Variants in GALNT17 observed in about 807,000 individuals in gnomAD.
GALNT17 encodes UDP-GalNAc:polypeptide N-acetylgalactosaminyltransferase-like 3.
A neutral mutation model predicts 63.7 loss-of-function variants in GALNT17; 29 were observed. The ratio of observed to expected loss-of-function variants is 0.46; its 90% CI spans 0.34 to 0.62. The LOEUF is 0.62. GALNT17 is among the 20% of genes least tolerant of loss of function. GALNT17 has a pLI of 0.01. For synonymous variants in GALNT17, 305 were observed against 318.3 expected (o/e 0.96, Z 0.45); for missense variants, 603 against 799.6 (o/e 0.75, Z 2.97).
At chr7:71,621,588 T>TGGATGGATGGAC (rs1216817026) in intron 6 of GALNT17, among the ~76,000 whole-genome samples, 2 of 150,660 alleles carry the variant, frequency 1.3e-5, no homozygotes, top group Admixed American at 1.3e-4. Context: ...GATGGATGGA[T>TGGATGGATGGAC]GGACAGACAA....
At chr7:71,487,959 G>A (rs536336514) in intron 5 of GALNT17, among the ~76,000 whole-genome samples, 65 of 152,224 alleles carry the variant, frequency 4.3e-4, no homozygotes, top group African/African-American at 1.5e-3. Context: ...CTTGAGGCCA[G>A]GAGTTTGAGA....
chr7:71,567,405 T>G (rs1789367254), intron 5 of GALNT17, among the ~76,000 whole-genome samples: 1 of 152,230 alleles, frequency 6.6e-6, no homozygotes, highest in African/African-American at 2.4e-5. Flanking sequence ...CTCTGTGCAC[T>G]GGGCCCATTG....
At chr7:71,221,539 T>C (rs10950249) in intron 1 of GALNT17, among the ~76,000 whole-genome samples, 62,411 of 151,614 alleles carry the variant, frequency 0.41, 13,002 homozygotes, top group South Asian at 0.55. Flanking sequence ...TTCAAACTTC[T>C]GTTCGTGTTG....
At chr7:71,323,651 G>A (rs1791655114) in intron 1 of GALNT17, among the ~76,000 whole-genome samples, 1 of 152,194 alleles carries the variant, frequency 6.6e-6, no homozygotes, top group South Asian at 2.1e-4. Flanking sequence ...ATGATGATTT[G>A]ACATGAGTTA....
intron 1 of GALNT17, among the ~76,000 whole-genome samples, chr7:71,304,809 G>A (rs1791260176): frequency 6.6e-6 from 1 of 151,946 alleles, no homozygotes; most frequent in African/African-American, 2.4e-5. Flanking sequence ...GAGTGCAATG[G>A]CACGATCTCG....
intron 1 of GALNT17, among the ~76,000 whole-genome samples, chr7:71,325,833 C>T (rs1791696032): frequency 6.6e-6 from 1 of 152,080 alleles, no homozygotes; most frequent in African/African-American, 2.4e-5. Context: ...CGTTGGCTTG[C>T]CTGCACTAGA....
intron 1 of GALNT17, among the ~76,000 whole-genome samples, chr7:71,228,122 T>G (rs1046966240): frequency 6.6e-6 from 1 of 152,098 alleles, no homozygotes; most frequent in African/African-American, 2.4e-5. Context: ...TGTGTGTGTC[T>G]GTGATGTACA....
intron 1 of GALNT17, among the ~76,000 whole-genome samples, chr7:71,191,502 A>AT (rs1788951656): frequency 1.3e-5 from 2 of 152,238 alleles, no homozygotes; most frequent in African/African-American, 4.8e-5. Context: ...GACAATATGT[A>AT]AATAACTGCA....
chr7:71,662,318 T>TTATCTATCTACCTATC (rs1790919200), intron 6 of GALNT17, among the ~76,000 whole-genome samples: 1 of 150,942 alleles, frequency 6.6e-6, no homozygotes, highest in Admixed American at 6.6e-5. Flanking sequence ...ATCTCTCTGT[T>TTATCTATCTACCTATC]TATCTATCTA....
At chr7:71,706,704 AAGGG>A (rs1791726114) in intron 9 of GALNT17, among the ~76,000 whole-genome samples, 1 of 152,160 alleles carries the variant, frequency 6.6e-6, no homozygotes, top group African/African-American at 2.4e-5. Context: ...CATCTCTCTC[AAGGG>A]CACTTAATAA....
intron 1 of GALNT17, among the ~76,000 whole-genome samples, chr7:71,303,656 G>T (rs1490773336): frequency 1.3e-5 from 2 of 152,076 alleles, no homozygotes; most frequent in African/African-American, 2.4e-5. Flanking sequence ...CTGTTGCTTG[G>T]AAGTGATTTA....
intron 6 of GALNT17, among the ~76,000 whole-genome samples, chr7:71,600,961 C>T (rs2116934436): frequency 6.6e-6 from 1 of 152,122 alleles, no homozygotes; most frequent in Non-Finnish European, 1.5e-5. Flanking sequence ...TCATTCTATG[C>T]CTTTGCATCC....
At chr7:71,372,194 T>A (rs1354901857) in intron 2 of GALNT17, among the ~76,000 whole-genome samples, 2 of 152,170 alleles carry the variant, frequency 1.3e-5, no homozygotes, top group Non-Finnish European at 2.9e-5. Context: ...AGTCTCGCTC[T>A]GTTGCCCAGG....
chr7:71,659,587 A>G (rs148778475), intron 6 of GALNT17, among the ~76,000 whole-genome samples: 3 of 152,314 alleles, frequency 2.0e-5, no homozygotes, highest in East Asian at 1.9e-4. Context: ...GCAAGCCGCA[A>G]AGTCTCTAAG....
intron 1 of GALNT17, among the ~76,000 whole-genome samples, chr7:71,185,046 CCCT>C (rs1554336505): frequency 3.8e-4 from 47 of 125,290 alleles, no homozygotes; most frequent in Admixed American, 1.5e-3. Flanking sequence ...CTCTTCCTCC[CCCT>C]CCTCCTCCTC....
chr7:71,380,966 G>T (rs912072357), intron 2 of GALNT17, among the ~76,000 whole-genome samples: 12 of 141,240 alleles, frequency 8.5e-5, no homozygotes, highest in East Asian at 4.1e-4. Flanking sequence ...TGGGGTTTTT[G>T]TTTTTTTTTT....
intron 2 of GALNT17, among the ~76,000 whole-genome samples, chr7:71,344,020 A>C (rs780302910): frequency 2.3e-4 from 35 of 151,976 alleles, no homozygotes; most frequent in Non-Finnish European, 3.7e-4. Flanking sequence ...AGCAGTTTGG[A>C]GAAGAGCAAG....
intron 1 of GALNT17, among the ~76,000 whole-genome samples, chr7:71,318,295 A>G (rs1791536012): frequency 6.6e-6 from 1 of 152,176 alleles, no homozygotes; most frequent in African/African-American, 2.4e-5. Context: ...CAGGCTTTGG[A>G]AATCTGCTGA....
chr7:71,482,075 A>ATGTGTGTG (rs1384133269), intron 5 of GALNT17, among the ~76,000 whole-genome samples: 46 of 40,528 alleles, frequency 1.1e-3, no homozygotes, highest in East Asian at 7.4e-3. Flanking sequence ...GTATACATAT[A>ATGTGTGTG]TGTATATGTG....
Sources: allele counts gnomAD v4.1 joint callset (sites outside exome capture counted in the v4.1 genomes callset), GRCh38; gene constraint gnomAD v4.1.1; transcripts MANE v1.5; gene names NCBI Gene and HGNC (gene_info 2026-07-23, HGNC 2026-07-21).